Variants in TNK1 observed in about 807,000 individuals in gnomAD.
The protein encoded by TNK1 is non-receptor tyrosine-protein kinase TNK1.
In TNK1, 53 loss-of-function variants were observed where a neutral mutation model predicts 65.2. The observed-to-expected ratio is 0.81, with a 90% confidence interval of 0.65 to 1.02. The LOEUF is 1.02. TNK1 is among the 50% of genes least tolerant of loss of function. TNK1 has a pLI of 0.00. For synonymous variants in TNK1, 353 were observed against 364.6 expected (o/e 0.97, Z 0.36); for missense variants, 837 against 878.4 (o/e 0.95, Z 0.60).
Position 7,382,763 on chromosome 17 carries a change from G to A in TNK1, c.-91-73G>A, listed in dbSNP as rs1010548459. Reference sequence around the variant, plus strand: ...AACATTCTATCTGGGATTTGTGTGCGTGAGTGGCAGGGATCCTGGCTGTCT... The same window carrying A: ...AACATTCTATCTGGGATTTGTGTGCATGAGTGGCAGGGATCCTGGCTGTCT... On this transcript the variant is annotated intron_variant, in intron 1 of 12. Coordinates refer to ENST00000688331, the MANE Select transcript of TNK1 (RefSeq NM_003985.6). This position sits in a 1 kb window ranked among gnomAD's most constrained non-coding sequence, Gnocchi z 4.1. 2.1e-5 allele frequency: 15 copies of A among 721,412 alleles called. No individual in the cohort carries two copies. The highest frequency in any genetic ancestry group is 5.5e-5 in the East Asian group (2 of 36,650). 44.7% of individuals were successfully genotyped at this position (721,412 alleles called of 1,614,324 possible). A position where few individuals can be genotyped will look rare whatever the true frequency, so the allele number is the denominator to read the frequency against.
Position 7,389,047 on chromosome 17 carries a change from T to C in TNK1, c.1949T>C (p.Leu650Pro). ...ATCCTGGAGCATTACCAGTGGGACCTCTCAGCTGCCAGCCGCTATGTCCTG... is the reference window on the plus strand; with the variant it reads ...ATCCTGGAGCATTACCAGTGGGACCCCTCAGCTGCCAGCCGCTATGTCCTG... ...WRILEHYQWD[L>P]SAASRYVLAR... The change falls in exon 13 of 13, where the codon CTC (leucine) becomes CCC (proline). Residue 650 changes from leucine to proline, a missense_variant. Physicochemically the swap from Leu to Pro is moderately conservative, Grantham distance 98. Coordinates refer to ENST00000688331, the MANE Select transcript of TNK1 (RefSeq NM_003985.6). 1 of 1,554,420 alleles carries C rather than the reference T, an allele frequency of 6.4e-7. No individual in the cohort carries two copies. The highest frequency in any genetic ancestry group is 8.7e-7 in the Non-Finnish European group (1 of 1,148,474).
At position 7,387,601 on chromosome 17, in the gene TNK1, C is replaced by CT. The variant is rs1460295918; in HGVS notation, c.1477+145dup. The CT allele has an allele frequency of 1.0e-3, 521 of 510,642 alleles. 1 individual carries two copies. The highest frequency in any genetic ancestry group is 1.3e-3 in the South Asian group (39 of 30,394). 31.6% of individuals were successfully genotyped at this position (510,642 alleles called of 1,614,324 possible). On this transcript the variant is annotated intron_variant, in intron 10 of 12. Transcript: ENST00000688331. ...TGGCATCCTAGCTATACTGTGCAATCTATTTTTTTTTTTTTTTTTTGAGAC... is the reference window on the plus strand; with the variant it reads ...TGGCATCCTAGCTATACTGTGCAATCTTATTTTTTTTTTTTTTTTTTGAGAC...
Position 7,386,975 on chromosome 17 carries a change from C to A in TNK1, c.1233-15C>A. 6.5e-7 allele frequency: 1 copy of A among 1,535,844 alleles called. No homozygotes were observed. Among genetic ancestry groups the A allele is most frequent in the Non-Finnish European group, 8.8e-7 (1 of 1,137,164 alleles). Reference sequence around the variant, plus strand: ...CCCTTATTCCCATCCTATTTACCAGCTCCTCTTTCCACAGCCCCGACTCCA... The same window carrying A: ...CCCTTATTCCCATCCTATTTACCAGATCCTCTTTCCACAGCCCCGACTCCA... On this transcript the variant is annotated splice_polypyrimidine_tract_variant and intron_variant, in intron 8 of 12. Transcript: ENST00000688331.
chr17:7,386,605 A>C lies in TNK1; in HGVS notation c.1182A>C (p.Pro394=), dbSNP rs761575999. 1.9e-6 allele frequency: 3 copies of C among 1,604,052 alleles called. No homozygotes were observed. Among genetic ancestry groups the C allele is most frequent in the Non-Finnish European group, 1.7e-6 (2 of 1,175,344 alleles). The part of the protein sequence containing the change: ...EACCVRDVTE[P]GALRMETGDP... ...GTTGTGTGAGGGATGTCACAGAACC[A>C]GGCGCCCTGAGGATGGAGACTGGTG... The change falls in exon 8 of 13, where the codon CCA becomes CCC. Residue 394 remains proline (P), a synonymous_variant. Coordinates refer to ENST00000688331, the MANE Select transcript of TNK1 (RefSeq NM_003985.6).
chr17:7,389,146 C>T lies in TNK1; in HGVS notation c.*62C>T. On this transcript the variant is annotated 3_prime_UTR_variant, in exon 13 of 13. Coordinates refer to ENST00000688331, the MANE Select transcript of TNK1 (RefSeq NM_003985.6). ...GCCTAGGCCCCTGAGGGCCTGGCCA[C>T]ATGGGACCAAGCGGAACCAGAACAA... is the stretch of plus-strand genomic sequence containing the variant. 7.4e-7 allele frequency: 1 copy of T among 1,351,996 alleles called. No homozygotes were observed. The highest frequency in any genetic ancestry group is 1.0e-6 in the Non-Finnish European group (1 of 971,646). 83.7% of individuals were successfully genotyped at this position (1,351,996 alleles called of 1,614,324 possible). A position where few individuals can be genotyped will look rare whatever the true frequency, so the allele number is the denominator to read the frequency against.
chr17:7,389,024 C>G lies in TNK1; in HGVS notation c.1926C>G (p.Ile642Met). ...SSRSRADCWR[I>M]LEHYQWDLSA... is the part of the protein sequence containing the mutation. ...GGTCCAGAGCTGACTGCTGGCGCATCCTGGAGCATTACCAGTGGGACCTCT... is the reference window on the plus strand; with the variant it reads ...GGTCCAGAGCTGACTGCTGGCGCATGCTGGAGCATTACCAGTGGGACCTCT... The change falls in exon 13 of 13, where the codon ATC becomes ATG. Residue 642 changes from isoleucine to methionine, a missense_variant. Physicochemically the swap from Ile to Met is conservative, Grantham distance 10. Transcript: ENST00000688331. 6.4e-7 allele frequency: 1 copy of G among 1,555,190 alleles called. No individual in the cohort carries two copies. Among genetic ancestry groups the G allele is most frequent in the Non-Finnish European group, 8.7e-7 (1 of 1,148,884 alleles).
intron 7 of TNK1, among the ~76,000 whole-genome samples, chr17:7,385,322 A>G (rs1905119287): frequency 6.7e-6 from 1 of 149,746 alleles, no homozygotes; most frequent in Non-Finnish European, 1.5e-5. Context: ...CCGAGATCAC[A>G]CCATCGCACT....
At chr17:7,380,712 C>T (rs1904760463), upstream of TNK1, 1 of 152,252 alleles carries the variant, frequency 6.6e-6, no homozygotes, top group Admixed American at 6.5e-5. Flanking sequence ...TGTGCGTGGA[C>T]AGGATAGCTC....
At chr17:7,387,237 G>T in intron 9 of TNK1, 83 bp downstream of exon 9, 1 of 1,512,348 alleles carries the variant, frequency 6.6e-7, no homozygotes, top group Non-Finnish European at 8.9e-7. Flanking sequence ...GAAGCCTGGG[G>T]ACAGGACCAG....
intron 5 of TNK1, 36 bp from the exon 6 acceptor site, chr17:7,383,934 G>A: frequency 6.5e-7 from 1 of 1,541,780 alleles, no homozygotes; most frequent in South Asian, 1.2e-5. Flanking sequence ...GGGTCCAATG[G>A]GTCCGGCTCA....
In TNK1 at chr17:7,382,746, A is replaced by T; in HGVS notation, c.-91-90A>T. 1 of 660,258 alleles carries T rather than the reference A, an allele frequency of 1.5e-6. No homozygotes were observed. Among genetic ancestry groups the T allele is most frequent in the Non-Finnish European group, 2.5e-6 (1 of 394,784 alleles). The allele number at this position is 660,258 out of a possible 1,614,324, so 40.9% of individuals were successfully genotyped here. A position where few individuals can be genotyped will look rare whatever the true frequency, so the allele number is the denominator to read the frequency against. Reference sequence around the variant, plus strand: ...GATGCCTGGGCACGGGGAACATTCTATCTGGGATTTGTGTGCGTGAGTGGC... The same window carrying T: ...GATGCCTGGGCACGGGGAACATTCTTTCTGGGATTTGTGTGCGTGAGTGGC... On this transcript the variant is annotated intron_variant, in intron 1 of 12. Coordinates refer to ENST00000688331, the MANE Select transcript of TNK1 (RefSeq NM_003985.6). This position sits in a 1 kb window ranked among gnomAD's most constrained non-coding sequence, Gnocchi z 4.1.
chr17:7,388,460 G>A lies in TNK1; in HGVS notation c.1532G>A (p.Gly511Asp). 6.2e-7 allele frequency: 1 copy of A among 1,613,880 alleles called. No homozygotes were observed. Among genetic ancestry groups the A allele is most frequent in the Non-Finnish European group, 8.5e-7 (1 of 1,179,824 alleles). ...TCCCTCGGTCCTCGTCCCACAGGGG[G>A]TGGTTCAAGCCCCCCTGAAATTCGA... ...VLSLGPRPTG[G>D]GSSPPEIRQA... The change falls in exon 11 of 13, where the codon GGT (glycine) becomes GAT (aspartate). Residue 511 changes from glycine to aspartate, a missense_variant. Gly to Asp is a moderately conservative substitution (Grantham distance 94). Coordinates refer to ENST00000688331, the MANE Select transcript of TNK1 (RefSeq NM_003985.6). This position sits in a 1 kb window ranked among gnomAD's most constrained non-coding sequence, Gnocchi z 4.5.
Position 7,387,388 on chromosome 17 carries a change from A to G in TNK1, c.1408A>G (p.Lys470Glu), listed in dbSNP as rs921307816. Residue 470 changes from lysine (K) to glutamate (E), a missense_variant, in exon 10 of 13, where the codon AAG (lysine) becomes GAG (glutamate). Lys to Glu is a moderately conservative substitution (Grantham distance 56, BLOSUM62 1). Transcript: ENST00000688331. ...HPGSIDGDRK[K>E]ANLWDAPPAR... Reference sequence around the variant, plus strand: ...ATCCCTCTCCGACAGAGACAGAAAGAAGGCAAATCTTTGGGATGCGCCCCC... The same window carrying G: ...ATCCCTCTCCGACAGAGACAGAAAGGAGGCAAATCTTTGGGATGCGCCCCC... The G allele has an allele frequency of 6.2e-7, 1 of 1,605,716 alleles. No homozygotes were observed. The highest frequency in any genetic ancestry group is 8.5e-7 in the Non-Finnish European group (1 of 1,176,444).
chr17:7,388,390 C>G lies in TNK1; in HGVS notation c.1478-16C>G, dbSNP rs1375465772. ...CAGCCAGCCGAGTTCAAGTTGTTTC[C>G]TTCTCAACTGTGCAGGCATTTCCAG... On this transcript the variant is annotated splice_polypyrimidine_tract_variant and intron_variant, in intron 10 of 12. Coordinates refer to ENST00000688331, the MANE Select transcript of TNK1 (RefSeq NM_003985.6). This position sits in a 1 kb window ranked among gnomAD's most constrained non-coding sequence, Gnocchi z 4.5. 20 of 1,580,908 alleles carry G rather than the reference C, an allele frequency of 1.3e-5. No individual in the cohort carries two copies. In the Admixed American group the frequency reaches 3.7e-4, roughly 29 times the overall value.
At chr17:7,386,380 C>T (rs529005820) in intron 7 of TNK1, among the ~76,000 whole-genome samples, 181 bp from the exon 8 acceptor site, 1 of 152,252 alleles carries the variant, frequency 6.6e-6, no homozygotes, top group South Asian at 2.1e-4. Flanking sequence ...GAGCCCTGAC[C>T]TGTTTGTCAT....
At chr17:7,387,729 C>T (rs1004086931) in intron 10 of TNK1, among the ~76,000 whole-genome samples, 8 of 151,990 alleles carry the variant, frequency 5.3e-5, no homozygotes, top group Non-Finnish European at 1.0e-4. Flanking sequence ...CTCAGCCTCC[C>T]GAGTAGCTGG....
At chr17:7,383,172 C>T in intron 2 of TNK1, 78 bp from the exon 3 acceptor site, 11 of 1,611,740 alleles carry the variant, frequency 6.8e-6, no homozygotes, top group Non-Finnish European at 9.3e-6. Context: ...CTCTTCCAGC[C>T]CTTTTCTTCC....
intron 10 of TNK1, 68 bp downstream of exon 10, chr17:7,387,525 CTAAA>C: frequency 7.5e-7 from 1 of 1,332,544 alleles, no homozygotes; most frequent in Non-Finnish European, 1.0e-6. Flanking sequence ...ACCCCCTGCC[CTAAA>C]TCCATGCCTT....
chr17:7,381,364 G>C (rs1167409753), intron 1 of TNK1, among the ~76,000 whole-genome samples: 1 of 152,202 alleles, frequency 6.6e-6, no homozygotes, highest in African/African-American at 2.4e-5. Flanking sequence ...GAGTCCACCT[G>C]CGCGTTTCCA....
Sources: allele counts gnomAD v4.1 joint callset (sites outside exome capture counted in the v4.1 genomes callset), GRCh38; gene constraint gnomAD v4.1.1; non-coding constraint Gnocchi (gnomAD v3.1); transcripts MANE v1.5; gene names NCBI Gene and HGNC (gene_info 2026-07-23, HGNC 2026-07-21).